Variants in CAST observed in about 807,000 individuals in gnomAD.
CAST encodes MIR583 host.
CAST carries 76 observed loss-of-function variants against 119.6 expected under a neutral mutation model. The ratio of observed to expected loss-of-function variants is 0.64; its 90% confidence interval spans 0.53 to 0.77. The LOEUF (loss-of-function observed/expected upper bound fraction) is 0.77, where lower values mean the gene tolerates loss of function less well. Ranked by LOEUF, CAST falls within the 30% of genes least tolerant of loss-of-function variation. The probability of loss-of-function intolerance (pLI) is 0.00; values close to 1 mark genes in which losing one functional copy is unlikely to be tolerated. For missense variants in CAST, 953 were observed against 946.5 expected, an observed-to-expected ratio of 1.01 and a Z score of -0.09; for synonymous variants, 319 against 331.6, an observed-to-expected ratio of 0.96 and a Z score of 0.41.
chr5:96,760,892 A>G (rs1418324184), intron 24 of CAST: 1 of 151,944 alleles, frequency 6.6e-6, no homozygotes, highest in African/African-American at 2.4e-5. Flanking sequence ...ACATTCGGAA[A>G]ATAAATGTAT....
At chr5:96,092,255 A>G in the CAST span, among the ~76,000 whole-genome samples, 2 of 152,102 alleles carry the variant, frequency 1.3e-5, no homozygotes, top group Non-Finnish European at 2.9e-5. Flanking sequence ...TCTGTTTTTT[A>G]TTCTTTCAAA....
the CAST span, among the ~76,000 whole-genome samples, chr5:96,028,329 G>A: frequency 5.3e-5 from 8 of 151,560 alleles, no homozygotes; most frequent in Middle Eastern, 6.9e-3. Flanking sequence ...GGTTTATTTC[G>A]GTATAATTGA....
At chr5:96,463,817 TTATC>T in the CAST span, among the ~76,000 whole-genome samples, 1 of 152,094 alleles carries the variant, frequency 6.6e-6, no homozygotes, top group African/African-American at 2.4e-5. Flanking sequence ...CTCTTCCCCT[TTATC>T]TTTCTTTCTT....
intron 1 of CAST, among the ~76,000 whole-genome samples, chr5:96,580,678 C>T (rs1746755851): frequency 6.6e-6 from 1 of 152,170 alleles, no homozygotes; most frequent in Admixed American, 6.5e-5. Flanking sequence ...CTGCCTTATA[C>T]GGATCACTTC....
chr5:96,075,830 C>G, the CAST span, among the ~76,000 whole-genome samples: 1 of 152,282 alleles, frequency 6.6e-6, no homozygotes, highest in Admixed American at 6.5e-5. Flanking sequence ...GAATGAAACA[C>G]TGTCTCATTT....
the CAST span, among the ~76,000 whole-genome samples, chr5:96,066,226 C>G: frequency 6.6e-6 from 1 of 152,130 alleles, no homozygotes; most frequent in Non-Finnish European, 1.5e-5. Context: ...ATCTTGCTGA[C>G]AGGGTCAGCC....
At chr5:96,567,356 A>G (rs143657851) in intron 1 of CAST, among the ~76,000 whole-genome samples, 12 of 152,210 alleles carry the variant, frequency 7.9e-5, no homozygotes, top group Middle Eastern at 3.4e-3. Flanking sequence ...ATATCTATCC[A>G]TGCATATTTC....
At chr5:96,314,866 C>T in the CAST span, among the ~76,000 whole-genome samples, 5 of 152,308 alleles carry the variant, frequency 3.3e-5, no homozygotes, top group East Asian at 7.7e-4. Context: ...ATACTTTTGA[C>T]TGACCCTTTA....
intron 4 of CAST, among the ~76,000 whole-genome samples, chr5:96,724,462 C>T (rs1009105785): frequency 6.6e-6 from 1 of 152,128 alleles, no homozygotes; most frequent in Non-Finnish European, 1.5e-5. Context: ...GGATTACAGG[C>T]ATGAGCCACT....
chr5:96,747,439 T>C, intron 18 of CAST, 47 bp downstream of exon 18: 1 of 1,188,774 alleles, frequency 8.4e-7, no homozygotes, highest in Admixed American at 1.7e-5. Flanking sequence ...AATAGACATG[T>C]AAAGTATGAA....
chr5:96,326,801 T>G, the CAST span, among the ~76,000 whole-genome samples: 3 of 150,640 alleles, frequency 2.0e-5, no homozygotes, highest in Admixed American at 6.7e-5. Flanking sequence ...ATAGAGTTCA[T>G]GATCACTTGA....
the CAST span, among the ~76,000 whole-genome samples, chr5:96,277,606 G>A: frequency 6.6e-6 from 1 of 152,152 alleles, no homozygotes; most frequent in African/African-American, 2.4e-5. Flanking sequence ...TAGTGGGTGG[G>A]TGGGGATCGG....
chr5:96,597,789 A>G (rs1747078381), intron 1 of CAST, among the ~76,000 whole-genome samples: 1 of 152,190 alleles, frequency 6.6e-6, no homozygotes, highest in Non-Finnish European at 1.5e-5. Context: ...AGGCCTCATT[A>G]TAACCCTGCT....
chr5:96,452,109 A>C, the CAST span, among the ~76,000 whole-genome samples: 1 of 152,220 alleles, frequency 6.6e-6, no homozygotes, highest in Admixed American at 6.5e-5. Flanking sequence ...TAGAACCAGA[A>C]ATACCATTTG....
intron 1 of CAST, among the ~76,000 whole-genome samples, chr5:96,669,836 C>T (rs1421334606): frequency 6.6e-6 from 1 of 152,192 alleles, no homozygotes; most frequent in Admixed American, 6.5e-5. Context: ...CATAAATCTT[C>T]CCCCAAAACC....
chr5:96,041,930 G>A, the CAST span, among the ~76,000 whole-genome samples: 1 of 152,074 alleles, frequency 6.6e-6, no homozygotes, highest in Non-Finnish European at 1.5e-5. Flanking sequence ...CTCTCTCACC[G>A]CAATGGGGGA....
intron 1 of CAST, among the ~76,000 whole-genome samples, chr5:96,586,608 T>A (rs1315308591): frequency 6.6e-6 from 1 of 152,104 alleles, no homozygotes; most frequent in South Asian, 2.1e-4. Context: ...TCAGAATAAG[T>A]TGGAAATCTA....
the CAST span, chr5:96,278,738 C>T: frequency 6.6e-6 from 1 of 152,200 alleles, no homozygotes; most frequent in Non-Finnish European, 1.5e-5. Flanking sequence ...CAATATACCA[C>T]TTGTGTATAC....
At chr5:96,309,026 G>T in the CAST span, 1 of 152,320 alleles carries the variant, frequency 6.6e-6, no homozygotes, top group Non-Finnish European at 1.5e-5. Context: ...TGTCAGGCAG[G>T]AATATTTAAG....
Sources: allele counts gnomAD v4.1 joint callset (sites outside exome capture counted in the v4.1 genomes callset), GRCh38; gene constraint gnomAD v4.1.1; transcripts MANE v1.5; gene names NCBI Gene and HGNC (gene_info 2026-07-23, HGNC 2026-07-21).